VAV1: variants seen among roughly 807,000 people sequenced by gnomAD.
The protein encoded by VAV1 is proto-oncogene vav.
Under a neutral mutation model 128.1 loss-of-function variants are expected in VAV1, and 33 were observed. The observed-to-expected ratio is 0.26, with a 90% confidence interval of 0.20 to 0.34. The LOEUF (loss-of-function observed/expected upper bound fraction) is 0.34, where lower values mean the gene tolerates loss of function less well. VAV1 is among the 10% of genes least tolerant of loss of function. VAV1 has a pLI of 1.00. For synonymous variants in VAV1, 394 were observed against 409.8 expected (o/e 0.96, Z 0.47); for missense variants, 715 against 1,093.7 (o/e 0.65, Z 4.88).
At chr19:6,853,334 TA>T (rs1274185819) in intron 25 of VAV1, among the ~76,000 whole-genome samples, 3 of 151,898 alleles carry the variant, frequency 2.0e-5, no homozygotes, top group Non-Finnish European at 2.9e-5. Context: ...GGTGCGATCT[TA>T]GCTCCCTGCA....
intron 8 of VAV1, among the ~76,000 whole-genome samples, chr19:6,825,979 G>T (rs1599659366): frequency 1.3e-5 from 2 of 152,116 alleles, no homozygotes; most frequent in South Asian, 2.1e-4. Context: ...GGAGGCGGAG[G>T]TTGCAGTGAG....
At chr19:6,793,569 C>G (rs1413749131) in intron 1 of VAV1, among the ~76,000 whole-genome samples, 1 of 151,974 alleles carries the variant, frequency 6.6e-6, no homozygotes, top group Admixed American at 6.6e-5. Flanking sequence ...TGTGCAGGAC[C>G]CAGTGCTTAT....
intron 1 of VAV1, among the ~76,000 whole-genome samples, chr19:6,817,050 ATT>A (rs938597509): frequency 1.3e-5 from 2 of 148,674 alleles, no homozygotes; most frequent in Admixed American, 6.7e-5. Context: ...CAAGAAATGC[ATT>A]TTTTTTTTCT....
chr19:6,849,271 C>G (rs1322899180), intron 23 of VAV1, among the ~76,000 whole-genome samples: 1 of 139,398 alleles, frequency 7.2e-6, no homozygotes, highest in Admixed American at 7.2e-5. Flanking sequence ...TCCCCCGAGT[C>G]TACTGTTTCC....
Position 6,828,298 on chromosome 19 carries a change from T to A in VAV1, c.1024-121T>A. The A allele has an allele frequency of 6.6e-7, 1 of 1,514,732 alleles. No individual in the cohort carries two copies. Among genetic ancestry groups the A allele is most frequent in the Non-Finnish European group, 9.1e-7 (1 of 1,102,178 alleles). The allele number at this position is 1,514,732 out of a possible 1,614,324, so 93.8% of individuals were successfully genotyped here. A position where few individuals can be genotyped will look rare whatever the true frequency, so the allele number is the denominator to read the frequency against. Reference sequence around the variant, plus strand: ...TCGGGGATGGGTCACTGGGGTCATGTCTCAGCCTCCAGGGTCAGCAGTACG... The same window carrying A: ...TCGGGGATGGGTCACTGGGGTCATGACTCAGCCTCCAGGGTCAGCAGTACG... On this transcript the variant is annotated intron_variant, in intron 10 of 26. Coordinates refer to ENST00000602142, the MANE Select transcript of VAV1 (RefSeq NM_005428.4). This position sits in a 1 kb window ranked among gnomAD's most constrained non-coding sequence, Gnocchi z 4.5.
intron 1 of VAV1, among the ~76,000 whole-genome samples, chr19:6,781,391 G>A (rs1294127034): frequency 2.0e-5 from 3 of 152,228 alleles, no homozygotes; most frequent in South Asian, 2.1e-4. Flanking sequence ...CCCGACAGAC[G>A]GTTCTGTTGC....
chr19:6,780,040 G>A (rs1391733373), intron 1 of VAV1, among the ~76,000 whole-genome samples: 1 of 148,290 alleles, frequency 6.7e-6, no homozygotes, highest in Non-Finnish European at 1.5e-5. Context: ...GAACCTGGGA[G>A]GCGGAGCTTG....
chr19:6,834,085 C>A, intron 19 of VAV1, 132 bp downstream of exon 19: 2 of 1,335,502 alleles, frequency 1.5e-6, no homozygotes, highest in East Asian at 2.5e-5. Context: ...ACCTGTAATC[C>A]CAACAATTTG....
chr19:6,852,104 C>T (rs569306083), intron 24 of VAV1, among the ~76,000 whole-genome samples: 2 of 152,270 alleles, frequency 1.3e-5, no homozygotes, highest in Admixed American at 1.3e-4. Context: ...GCTTCAAACC[C>T]CTGGGCTCAG....
intron 1 of VAV1, among the ~76,000 whole-genome samples, chr19:6,810,671 C>A (rs1438591565): frequency 6.6e-6 from 1 of 152,010 alleles, no homozygotes. Context: ...CGTCATTGCA[C>A]TCTGGCCTGG....
At position 6,820,067 on chromosome 19, in the gene VAV1, T is replaced by C. The variant is rs1278528398; in HGVS notation, c.205-635T>C. Among the ~76,000 whole-genome samples the C allele has an allele frequency of 1.3e-5, 2 of 152,100 alleles. No homozygotes were observed. Among genetic ancestry groups the C allele is most frequent in the African/African-American group, 4.8e-5 (2 of 41,410 alleles). On this transcript the variant is annotated intron_variant, in intron 1 of 26. Transcript: ENST00000602142. The surrounding 1 kb of genome is among the most constrained non-coding windows in gnomAD (Gnocchi z 4.4). ...GGCATGGTGGCTCCCACCTGTAATC[T>C]CAGCACTTTAGGAGGCCAAGGTGGG...
At chr19:6,785,677 TGAGATA>T (rs1202446448) in intron 1 of VAV1, among the ~76,000 whole-genome samples, 1 of 140,150 alleles carries the variant, frequency 7.1e-6, no homozygotes, top group Admixed American at 7.0e-5. Context: ...TTTTTTTTTT[TGAGATA>T]GAGTCTTGCT....
intron 1 of VAV1, among the ~76,000 whole-genome samples, chr19:6,789,371 G>C (rs1210059876): frequency 6.6e-6 from 1 of 151,662 alleles, no homozygotes; most frequent in Non-Finnish European, 1.5e-5. Flanking sequence ...TCCTGCCTCA[G>C]CCTCCCGAGT....
chr19:6,828,390 G>A lies in VAV1; in HGVS notation c.1024-29G>A, dbSNP rs1398426481. On this transcript the variant is annotated intron_variant, in intron 10 of 26. Coordinates refer to ENST00000602142, the MANE Select transcript of VAV1 (RefSeq NM_005428.4). The surrounding 1 kb of genome is among the most constrained non-coding windows in gnomAD (Gnocchi z 4.5). Reference sequence around the variant, plus strand: ...CCGCAGGGAGAAGGGGAGGGGCCCAGGTGACGTCTGACGTCTTGGTTCTCT... The same window carrying A: ...CCGCAGGGAGAAGGGGAGGGGCCCAAGTGACGTCTGACGTCTTGGTTCTCT... The A allele has an allele frequency of 6.2e-7, 1 of 1,613,698 alleles. No individual in the cohort carries two copies. The highest frequency in any genetic ancestry group is 1.3e-5 in the African/African-American group (1 of 74,900).
intron 1 of VAV1, among the ~76,000 whole-genome samples, chr19:6,782,246 C>G (rs974320738): frequency 1.3e-5 from 2 of 151,986 alleles, no homozygotes; most frequent in Admixed American, 1.3e-4. Flanking sequence ...AGAAGAATCC[C>G]TTGAACCCAG....
At chr19:6,786,678 G>C in intron 1 of VAV1, among the ~76,000 whole-genome samples, 1 of 152,228 alleles carries the variant, frequency 6.6e-6, no homozygotes, top group East Asian at 1.9e-4. Flanking sequence ...AGCTACTCAA[G>C]AGGCTGAGGT....
In VAV1 at chr19:6,828,862, C is replaced by T. The variant is rs750014628; in HGVS notation, c.1227C>T (p.Leu409=). Reference sequence around the variant, plus strand: ...GCCGGCCCAAGATCGACGGGGAACTCAAGATCACCTCGGTGGAACGGCGCT... The same window carrying T: ...GCCGGCCCAAGATCGACGGGGAACTTAAGATCACCTCGGTGGAACGGCGCT... ...HYGRPKIDGE[L]KITSVERRSK... The change falls in exon 13 of 27, where the codon CTC becomes CTT. Residue 409 remains leucine (L), a synonymous_variant. Transcript: ENST00000602142. This position sits in a 1 kb window ranked among gnomAD's most constrained non-coding sequence, Gnocchi z 4.5. 6.2e-7 allele frequency: 1 copy of T among 1,614,114 alleles called. No homozygotes were observed. Among genetic ancestry groups the T allele is most frequent in the South Asian group, 1.1e-5 (1 of 91,070 alleles).
rs1238116186 is a variant in VAV1 at position 6,837,734 on chromosome 19, C to T, written c.1980+684C>T. Among the ~76,000 whole-genome samples the T allele has an allele frequency of 3.3e-5, 5 of 152,252 alleles. No individual in the cohort carries two copies. The East Asian group carries it at 9.6e-4, about 29-fold the overall frequency. On this transcript the variant is annotated intron_variant, in intron 21 of 26. Coordinates refer to ENST00000602142, the MANE Select transcript of VAV1 (RefSeq NM_005428.4). Reference sequence around the variant, plus strand: ...TTTTGTTCCATTTGCTCTGTCATTTCCTCTCTCTACCCACACATAGTATTT... The same window carrying T: ...TTTTGTTCCATTTGCTCTGTCATTTTCTCTCTCTACCCACACATAGTATTT...
Position 6,826,996 on chromosome 19 carries a change from CA to C in VAV1, c.927+286del. On this transcript the variant is annotated intron_variant, in intron 9 of 26. Transcript: ENST00000602142. The surrounding 1 kb of genome is among the most constrained non-coding windows in gnomAD (Gnocchi z 4.1). ...ACCCCAGCCCTGGGCTGAGCCCTAG[CA>C]CTGATTGTACCCCAAGTCGGGCTGA... 1 of 428,554 alleles carries C rather than the reference CA, an allele frequency of 2.3e-6. No homozygotes were observed. Among genetic ancestry groups the C allele is most frequent in the Non-Finnish European group, 4.3e-6 (1 of 231,654 alleles). 26.5% of individuals were successfully genotyped at this position (428,554 alleles called of 1,614,324 possible). A position where few individuals can be genotyped will look rare whatever the true frequency, so the allele number is the denominator to read the frequency against.
Sources: gnomAD v4.1 joint callset for allele counts (sites outside exome capture counted in the v4.1 genomes callset) on GRCh38, gnomAD v4.1.1 for gene constraint, Gnocchi (gnomAD v3.1) non-coding constraint, MANE v1.5 for transcripts, NCBI Gene and HGNC (gene_info 2026-07-23, HGNC 2026-07-21) for gene names.